CNPY1: variants seen among roughly 807,000 people sequenced by gnomAD.
The protein encoded by CNPY1 is protein canopy homolog 1.
CNPY1 carries 14 observed loss-of-function variants against 14.4 expected under a neutral mutation model. The observed-to-expected ratio is 0.97, with a 90% CI of 0.64 to 1.52. The LOEUF is 1.52. CNPY1 is among the 40% of genes most tolerant of loss of function. CNPY1 has a pLI of 0.00. For missense variants in CNPY1, 129 were observed against 131.5 expected, an observed-to-expected ratio of 0.98 and a Z score of 0.09; for synonymous variants, 43 against 46.5, an observed-to-expected ratio of 0.92 and a Z score of 0.31.
chr7:155,537,429 T>C (rs937279862), intron 2 of CNPY1, among the ~76,000 whole-genome samples: 4 of 151,138 alleles, frequency 2.6e-5, no homozygotes, highest in South Asian at 2.1e-4. Flanking sequence ...CTTTTCTTTT[T>C]TTTTTTTTTT....
At chr7:155,503,304 C>T (rs1025527457) in intron 4 of CNPY1, among the ~76,000 whole-genome samples, 199 bp from the exon 5 acceptor site, 1 of 152,004 alleles carries the variant, frequency 6.6e-6, no homozygotes, top group African/African-American at 2.4e-5. Context: ...GCACCCCAAA[C>T]CCAGCTTCAA....
chr7:155,504,148 A>T (rs1796214875), intron 4 of CNPY1, among the ~76,000 whole-genome samples: 1 of 152,198 alleles, frequency 6.6e-6, no homozygotes. Context: ...CACTCCAAAA[A>T]CAGAGTACAT....
At chr7:155,514,570 T>TG (rs1563088859) in intron 2 of CNPY1, among the ~76,000 whole-genome samples, 1 of 152,208 alleles carries the variant, frequency 6.6e-6, no homozygotes, top group African/African-American at 2.4e-5. Flanking sequence ...TCTGAATACT[T>TG]GCGGGCATAT....
At chr7:155,527,172 C>T (rs566465112) in intron 2 of CNPY1, among the ~76,000 whole-genome samples, 12 of 151,306 alleles carry the variant, frequency 7.9e-5, no homozygotes, top group Non-Finnish European at 1.5e-4. Flanking sequence ...CTGCCTCAGC[C>T]TCCCAAGTAG....
intron 2 of CNPY1, among the ~76,000 whole-genome samples, chr7:155,542,457 G>A (rs748576179): frequency 1.3e-5 from 2 of 152,186 alleles, no homozygotes; most frequent in Non-Finnish European, 2.9e-5. Flanking sequence ...CTTGCCCTTC[G>A]GGGCTCACCC....
intron 4 of CNPY1, among the ~76,000 whole-genome samples, chr7:155,505,131 C>G (rs1796259485): frequency 6.6e-6 from 1 of 152,130 alleles, no homozygotes; most frequent in African/African-American, 2.4e-5. Flanking sequence ...TCCAGTCTCT[C>G]TCTAGGATTA....
At chr7:155,520,310 T>G (rs1023307313) in intron 2 of CNPY1, among the ~76,000 whole-genome samples, 1 of 152,088 alleles carries the variant, frequency 6.6e-6, no homozygotes, top group Non-Finnish European at 1.5e-5. Context: ...GAAGGACAGA[T>G]AGTGTGAGCT....
In CNPY1 at chr7:155,508,941, T is replaced by C. The variant is rs766124944; in HGVS notation, c.256A>G (p.Lys86Glu). 13 of 1,613,612 alleles carry C rather than the reference T, an allele frequency of 8.1e-6. No homozygotes were observed. The highest frequency in any genetic ancestry group is 5.3e-5 in the African/African-American group (4 of 74,912). ...RKGDKIYQEF[K>E]KLYFYSDAYR... ...GCATCAGAATAAAAATACAATTTTT[T>C]AAATTCTTGGTATATTTTGTCTCCT... is the stretch of plus-strand genomic sequence containing the variant. The change falls in exon 3 of 5, where the codon AAA (lysine) becomes GAA (glutamate). Residue 86 changes from lysine to glutamate, a missense_variant. Lys to Glu is a moderately conservative substitution (Grantham distance 56). Transcript: ENST00000636446.
intron 2 of CNPY1, among the ~76,000 whole-genome samples, chr7:155,544,998 C>A (rs1797142091): frequency 6.6e-6 from 1 of 152,180 alleles, no homozygotes; most frequent in African/African-American, 2.4e-5. Context: ...CTGTGACTCT[C>A]CTTTCCTGCC....
Position 155,502,757 on chromosome 7 carries a change from T to C in CNPY1, c.*311A>G, listed in dbSNP as rs1270019954. 3 of 362,308 alleles carry C rather than the reference T, an allele frequency of 8.3e-6. No homozygotes were observed. Among genetic ancestry groups the C allele is most frequent in the African/African-American group, 6.2e-5 (3 of 48,544 alleles). 22.4% of individuals were successfully genotyped at this position (362,308 alleles called of 1,614,324 possible). On this transcript the variant is annotated 3_prime_UTR_variant, in exon 5 of 5. Transcript: ENST00000636446. Reference sequence around the variant, plus strand: ...GCAGCATACATTATGAAATCCCTATTTTGTTTATGAAATGTCTTCGCTTTT... The same window carrying C: ...GCAGCATACATTATGAAATCCCTATCTTGTTTATGAAATGTCTTCGCTTTT...
At chr7:155,541,816 TA>T (rs1797087846) in intron 2 of CNPY1, among the ~76,000 whole-genome samples, 1 of 152,300 alleles carries the variant, frequency 6.6e-6, no homozygotes, top group South Asian at 2.1e-4. Context: ...CCAGCCTCTA[TA>T]ACCATCACTC....
intron 2 of CNPY1, chr7:155,518,213 C>T (rs192052393): frequency 6.6e-6 from 1 of 152,552 alleles, no homozygotes; most frequent in East Asian, 1.9e-4. Context: ...CGTGGGAGCT[C>T]ATCAGTCATG....
chr7:155,521,399 G>A (rs1446806784), intron 2 of CNPY1, among the ~76,000 whole-genome samples: 1 of 152,196 alleles, frequency 6.6e-6, no homozygotes, highest in African/African-American at 2.4e-5. Context: ...AAAGTCTAGT[G>A]CACGCCATGA....
intron 2 of CNPY1, among the ~76,000 whole-genome samples, chr7:155,530,758 C>T (rs540079237): frequency 3.2e-4 from 48 of 152,314 alleles, no homozygotes; most frequent in African/African-American, 1.1e-3. Flanking sequence ...GCACTACTGC[C>T]GTGGGGGACC....
At chr7:155,514,269 G>A (rs928768202) in intron 2 of CNPY1, among the ~76,000 whole-genome samples, 1 of 152,200 alleles carries the variant, frequency 6.6e-6, no homozygotes, top group African/African-American at 2.4e-5. Context: ...CCGTGATTCT[G>A]CATAAAAATT....
chr7:155,520,428 CTTTTTTTTTTTTTT>C (rs71522007), intron 2 of CNPY1, among the ~76,000 whole-genome samples: 4 of 69,410 alleles, frequency 5.8e-5, no homozygotes, highest in East Asian at 5.9e-4. Context: ...TTCTTTCTTT[CTTTTTTTTTTTTTT>C]TTTTTTTTTT....
chr7:155,535,520 A>G (rs1418191699), intron 2 of CNPY1, among the ~76,000 whole-genome samples: 1 of 152,200 alleles, frequency 6.6e-6, no homozygotes, highest in East Asian at 1.9e-4. Flanking sequence ...CAGGAGTAAG[A>G]CAGAAAAGCT....
At chr7:155,520,030 A>G (rs1195199213) in intron 2 of CNPY1, among the ~76,000 whole-genome samples, 1 of 151,926 alleles carries the variant, frequency 6.6e-6, no homozygotes, top group Non-Finnish European at 1.5e-5. Flanking sequence ...TTTCCTGTAG[A>G]ATTATTTTTG....
chr7:155,543,979 A>G (rs1199790168), intron 2 of CNPY1, among the ~76,000 whole-genome samples: 2 of 152,204 alleles, frequency 1.3e-5, no homozygotes, highest in African/African-American at 4.8e-5. Flanking sequence ...GATCGCCTTG[A>G]AGTGGAACAT....
Sources: gnomAD v4.1 joint callset for allele counts (sites outside exome capture counted in the v4.1 genomes callset) on GRCh38, gnomAD v4.1.1 for gene constraint, MANE v1.5 for transcripts, NCBI Gene and HGNC (gene_info 2026-07-23, HGNC 2026-07-21) for gene names.